The following PCDHA7 variants were observed in gnomAD, a reference collection of about 807,000 sequenced individuals.
PCDHA7 encodes the protein protocadherin alpha 7, also known as protocadherin alpha-7.
Under a neutral mutation model 57.2 loss-of-function variants are expected in PCDHA7, and 37 were observed. The ratio of observed to expected loss-of-function variants is 0.65; its 90% CI spans 0.50 to 0.85. The LOEUF (loss-of-function observed/expected upper bound fraction) is 0.85. PCDHA7 is among the 40% of genes least tolerant of loss of function. The probability of loss-of-function intolerance (pLI) is 0.00; values close to 1 mark genes in which losing one functional copy is unlikely to be tolerated. For missense variants in PCDHA7, 1,188 were observed against 1,241.8 expected (o/e 0.96, Z 0.65); for synonymous variants, 553 against 558.8 (o/e 0.99, Z 0.15).
At chr5:140,843,397 G>T in intron 1 of PCDHA7, 1 of 1,596,068 alleles carries the variant, frequency 6.3e-7, no homozygotes, top group Non-Finnish European at 8.6e-7. Context: ...CGGAAGCGGC[G>T]CTGGTGGATG....
chr5:140,849,893 G>A, intron 1 of PCDHA7: 1 of 1,598,550 alleles, frequency 6.3e-7, no homozygotes, highest in Non-Finnish European at 8.6e-7. Context: ...TCGTGAAGGA[G>A]AACAACCCGC....
At position 140,882,079 on chromosome 5, in the gene PCDHA7, G is replaced by C. The variant is rs2058940272; in HGVS notation, c.2355+45341G>C. 3.1e-6 allele frequency: 3 copies of C among 952,854 alleles called. No homozygotes were observed. In the East Asian group the frequency reaches 7.8e-5, roughly 25 times the overall value. The allele number at this position is 952,854 out of a possible 1,614,324, so 59.0% of individuals were successfully genotyped here. A position where few individuals can be genotyped will look rare whatever the true frequency, so the allele number is the denominator to read the frequency against. On this transcript the variant is annotated intron_variant, in intron 1 of 3. Transcript: ENST00000525929. ...CTTACACGTTCATGCGCATGGTGTCGCTCTTCACTGAGAACGTTTCCGCGA... is the reference window on the plus strand; with the variant it reads ...CTTACACGTTCATGCGCATGGTGTCCCTCTTCACTGAGAACGTTTCCGCGA...
chr5:140,876,860 T>C (rs2056650252), intron 1 of PCDHA7: 1 of 1,613,918 alleles, frequency 6.2e-7, no homozygotes, highest in African/African-American at 1.3e-5. Context: ...TACACAGTGT[T>C]CGTGAAGGAG....
chr5:140,915,638 C>CTT (rs1183097723), intron 1 of PCDHA7, among the ~76,000 whole-genome samples: 1 of 151,724 alleles, frequency 6.6e-6, no homozygotes, highest in African/African-American at 2.4e-5. Context: ...CTCTCTCTCT[C>CTT]TCTCTCTCTC....
chr5:140,896,453 C>T (rs782013950), intron 1 of PCDHA7, among the ~76,000 whole-genome samples: 3 of 152,106 alleles, frequency 2.0e-5, no homozygotes, highest in Non-Finnish European at 2.9e-5. Context: ...ACCTCCACCT[C>T]CTGGGTTCAA....
Position 140,857,347 on chromosome 5 carries a change from G to T in PCDHA7, c.2355+20609G>T, listed in dbSNP as rs781930086. 8.1e-6 allele frequency: 13 copies of T among 1,598,236 alleles called. No homozygotes were observed. The African/African-American group carries it at 1.1e-4, about 13-fold the overall frequency. On this transcript the variant is annotated intron_variant, in intron 1 of 3. Coordinates refer to ENST00000525929, the MANE Select transcript of PCDHA7 (RefSeq NM_018910.3). The stretch of plus-strand genomic sequence containing the variant: ...CCGCGCGGGACGGGGGCTCGCCTCC[G>T]CTGTGGGCCACGGCCAGCGTGTCTG...
At chr5:140,843,537 T>C (rs2150362232) in intron 1 of PCDHA7, 5 of 1,595,784 alleles carry the variant, frequency 3.1e-6, no homozygotes, top group Non-Finnish European at 4.3e-6. Flanking sequence ...AAGCCCACTC[T>C]GGTGTGCTCC....
intron 1 of PCDHA7, among the ~76,000 whole-genome samples, chr5:140,953,945 C>T (rs189219030): frequency 8.5e-5 from 13 of 152,154 alleles, no homozygotes; most frequent in African/African-American, 3.1e-4. Flanking sequence ...TCCCATTGCT[C>T]CCCCAACAGG....
chr5:140,966,486 C>G (rs1563351032), intron 1 of PCDHA7: 1 of 432,846 alleles, frequency 2.3e-6, no homozygotes. Context: ...CTTTTCCCTC[C>G]CCCTGGAGCT....
chr5:140,992,465 C>G (rs1554252929), intron 3 of PCDHA7, among the ~76,000 whole-genome samples: 2 of 152,162 alleles, frequency 1.3e-5, no homozygotes. Flanking sequence ...GGACAGTACT[C>G]TTTAGATCAC....
At chr5:140,906,218 A>G (rs2072464720) in intron 1 of PCDHA7, among the ~76,000 whole-genome samples, 1 of 152,176 alleles carries the variant, frequency 6.6e-6, no homozygotes, top group African/African-American at 2.4e-5. Flanking sequence ...ATTAACCATC[A>G]CAAGTCCTCC....
chr5:140,849,588 C>A (rs2150441639), intron 1 of PCDHA7: 12 of 1,598,674 alleles, frequency 7.5e-6, no homozygotes, highest in Non-Finnish European at 1.0e-5. Flanking sequence ...GGACGCACAA[C>A]TGGGGACAGT....
chr5:140,843,170 A>T (rs2150354279), intron 1 of PCDHA7: 2 of 1,596,072 alleles, frequency 1.3e-6, no homozygotes. Context: ...AGCTGCAAGC[A>T]GCCCTCGCAT....
At chr5:141,008,206 G>A (rs979113429) in intron 3 of PCDHA7, among the ~76,000 whole-genome samples, 1 of 152,184 alleles carries the variant, frequency 6.6e-6, no homozygotes, top group African/African-American at 2.4e-5. Flanking sequence ...TAATGAACTT[G>A]ACATGAGTTA....
intron 3 of PCDHA7, among the ~76,000 whole-genome samples, chr5:140,987,465 T>C (rs1554249222): frequency 6.6e-6 from 1 of 152,130 alleles, no homozygotes; most frequent in Non-Finnish European, 1.5e-5. Flanking sequence ...TGTTAAGAGC[T>C]CAAGCTTGGG....
At chr5:140,881,579 C>A (rs1299755224) in intron 1 of PCDHA7, among the ~76,000 whole-genome samples, 1 of 152,168 alleles carries the variant, frequency 6.6e-6, no homozygotes, top group Non-Finnish European at 1.5e-5. Context: ...TCTCAAGTCA[C>A]ATTGAGGGAA....
chr5:140,892,910 C>T (rs1206176408), intron 1 of PCDHA7, among the ~76,000 whole-genome samples: 1 of 152,164 alleles, frequency 6.6e-6, no homozygotes, highest in Non-Finnish European at 1.5e-5. Context: ...TCCTCCTTTT[C>T]CTTCACCCTT....
At position 140,967,262 on chromosome 5, in the gene PCDHA7, C is replaced by T; in HGVS notation, c.2356-11687C>T. ...AAGCGAATCGGTGGCGCCTGGAGCG[C>T]GCTTTCACATAGAGAGTGCGCAGGA... On this transcript the variant is annotated intron_variant, in intron 1 of 3. Transcript: ENST00000525929. The T allele has an allele frequency of 1.9e-6, 3 of 1,613,522 alleles. No homozygotes were observed. In the South Asian group the frequency reaches 3.3e-5, roughly 18 times the overall value.
At chr5:140,884,396 C>A (rs2060144550) in intron 1 of PCDHA7, 2 of 1,614,012 alleles carry the variant, frequency 1.2e-6, no homozygotes, top group Middle Eastern at 1.6e-4. Flanking sequence ...GGTGTCCAGC[C>A]TGTTGGTGCT....
Sources: allele counts gnomAD v4.1 joint callset (sites outside exome capture counted in the v4.1 genomes callset), GRCh38; gene constraint gnomAD v4.1.1; transcripts MANE v1.5; gene names NCBI Gene and HGNC (gene_info 2026-07-23, HGNC 2026-07-21).